STRN: variants seen among roughly 807,000 people sequenced by gnomAD.
STRN encodes the protein protein phosphatase 2 regulatory subunit B'''alpha.
In STRN, 53 loss-of-function variants were observed where a neutral mutation model predicts 96.3. That is an observed-to-expected ratio of 0.55 (90% CI 0.44 to 0.69). The LOEUF (loss-of-function observed/expected upper bound fraction) is 0.69, where lower values mean the gene tolerates loss of function less well. Ranked by LOEUF, STRN falls within the 30% of genes least tolerant of loss-of-function variation. The probability of loss-of-function intolerance (pLI) is 0.00; values close to 1 mark genes in which losing one functional copy is unlikely to be tolerated. For synonymous variants in STRN, 428 were observed against 355.9 expected (o/e 1.20, Z -2.28); for missense variants, 987 against 963.9 (o/e 1.02, Z -0.32).
At chr2:36,923,465 C>T (rs13385868) in intron 2 of STRN, among the ~76,000 whole-genome samples, 1 of 131,638 alleles carries the variant, frequency 7.6e-6, no homozygotes, top group South Asian at 2.5e-4. Flanking sequence ...AAAAAAAAAA[C>T]AACTCACTAC....
chr2:36,948,627 T>C (rs74707961), intron 1 of STRN, among the ~76,000 whole-genome samples: 3,646 of 152,324 alleles, frequency 0.024, 92 homozygotes, highest in African/African-American at 0.064. Flanking sequence ...TTGACTGCTA[T>C]ATCCCTAATT....
At chr2:36,884,501 T>G (rs935693173) in intron 8 of STRN, among the ~76,000 whole-genome samples, 1 of 152,218 alleles carries the variant, frequency 6.6e-6, no homozygotes, top group Non-Finnish European at 1.5e-5. Flanking sequence ...TGAAGTCTCA[T>G]GCCCTACCGA....
In STRN at chr2:36,843,149, T is replaced by A. The variant is rs1200480221; in HGVS notation, c.*6307A>T. 3.3e-5 allele frequency among the ~76,000 whole-genome samples: 5 copies of A among 152,158 alleles called. No homozygotes were observed. Among genetic ancestry groups the A allele is most frequent in the Non-Finnish European group, 7.3e-5 (5 of 68,028 alleles). ...TCTCATTAAAAAGATAAAAGAGGTGTTTCCAACACTACTGAAAATGTGTGT... is the reference window on the plus strand; with the variant it reads ...TCTCATTAAAAAGATAAAAGAGGTGATTCCAACACTACTGAAAATGTGTGT... On this transcript the variant is annotated 3_prime_UTR_variant, in exon 18 of 18. Coordinates refer to ENST00000263918, the MANE Select transcript of STRN (RefSeq NM_003162.4).
chr2:36,853,547 A>T (rs141427593), intron 15 of STRN, among the ~76,000 whole-genome samples: 71 of 152,338 alleles, frequency 4.7e-4, no homozygotes, highest in African/African-American at 1.5e-3. Flanking sequence ...AGTCGGCAGA[A>T]TGCAAAGAAC....
chr2:36,947,476 C>T (rs1295739532), intron 1 of STRN, among the ~76,000 whole-genome samples: 1 of 150,606 alleles, frequency 6.6e-6, no homozygotes, highest in African/African-American at 2.4e-5. Context: ...AAATCTTAAC[C>T]TACAAATTCC....
intron 1 of STRN, among the ~76,000 whole-genome samples, chr2:36,951,416 G>T (rs1371954256): frequency 6.6e-6 from 1 of 152,328 alleles, no homozygotes; most frequent in South Asian, 2.1e-4. Context: ...GCACTAAAAA[G>T]CTCTTTCCAG....
At chr2:36,935,476 T>C (rs1670678739) in intron 1 of STRN, among the ~76,000 whole-genome samples, 1 of 152,200 alleles carries the variant, frequency 6.6e-6, no homozygotes, top group Admixed American at 6.5e-5. Flanking sequence ...TAATTAGGAC[T>C]ATGACATAAT....
chr2:36,857,887 A>C lies in STRN; in HGVS notation c.1806T>G (p.Ala602=), dbSNP rs1469088161. Residue 602 remains alanine, a synonymous_variant, in exon 14 of 18, where the codon GCT becomes GCG. Coordinates refer to ENST00000263918, the MANE Select transcript of STRN (RefSeq NM_003162.4). ...TATCATTAAATACACTTAGTGCTGG[A>C]GCAACCTCAGTTGTATTCCATAAAC... ...TLRLWNTTEV[A]PALSVFNDTK... is the part of the protein sequence containing the mutation. 6.2e-7 allele frequency: 1 copy of C among 1,614,010 alleles called. No homozygotes were observed. Among genetic ancestry groups the C allele is most frequent in the Admixed American group, 1.7e-5 (1 of 60,004 alleles).
intron 3 of STRN, among the ~76,000 whole-genome samples, chr2:36,913,540 T>C (rs909091485): frequency 6.6e-6 from 1 of 152,250 alleles, no homozygotes; most frequent in African/African-American, 2.4e-5. Context: ...ACTAGGTTTG[T>C]GCTACTGCGC....
chr2:36,899,679 C>A, intron 5 of STRN, 21 bp from the exon 6 acceptor site: 2 of 1,567,216 alleles, frequency 1.3e-6, no homozygotes, highest in Non-Finnish European at 1.7e-6. Context: ...ACATGTATAT[C>A]CTGCTTAGTT....
chr2:36,863,854 A>T (rs1163093055), intron 12 of STRN, among the ~76,000 whole-genome samples: 1 of 152,112 alleles, frequency 6.6e-6, no homozygotes, highest in East Asian at 1.9e-4. Context: ...TGTAATTCTC[A>T]GTGTAGAGAT....
chr2:36,886,818 C>T lies in STRN; in HGVS notation c.940G>A (p.Asp314Asn), dbSNP rs780536982. The T allele has an allele frequency of 5.6e-6, 9 of 1,611,790 alleles. No homozygotes were observed. The highest frequency in any genetic ancestry group is 7.6e-6 in the Non-Finnish European group (9 of 1,178,928). ...AGDGTDWEKE[D>N]QCLMPEAWNV... ...CAGGCTTCAGGCATGAGACACTGGT[C>T]TTCCTTTTCTAAACAGAGTGAAACA... The change falls in exon 8 of 18, where the codon GAC becomes AAC. Residue 314 changes from aspartate (D) to asparagine (N), a missense_variant. Coordinates refer to ENST00000263918, the MANE Select transcript of STRN (RefSeq NM_003162.4).
chr2:36,965,683 T>C (rs1204623940), intron 1 of STRN, among the ~76,000 whole-genome samples: 2 of 152,030 alleles, frequency 1.3e-5, no homozygotes, highest in Admixed American at 1.3e-4. Context: ...GACATTTACA[T>C]ATATAAAAAA....
intron 7 of STRN, among the ~76,000 whole-genome samples, chr2:36,888,339 T>C (rs1426726036): frequency 6.6e-6 from 1 of 152,164 alleles, no homozygotes; most frequent in Non-Finnish European, 1.5e-5. Flanking sequence ...CGTGTCACCC[T>C]TCTTGCTCAA....
chr2:36,941,956 T>A (rs1670856220), intron 1 of STRN, among the ~76,000 whole-genome samples: 1 of 152,194 alleles, frequency 6.6e-6, no homozygotes, highest in African/African-American at 2.4e-5. Context: ...GGCCGGCTAT[T>A]CGAAATACAT....
At chr2:36,964,468 G>GT (rs1665107996) in intron 1 of STRN, among the ~76,000 whole-genome samples, 1 of 152,110 alleles carries the variant, frequency 6.6e-6, no homozygotes, top group Non-Finnish European at 1.5e-5. Context: ...AGATCAATCT[G>GT]TAAGTATTCA....
chr2:36,938,422 T>C (rs1421338936), intron 1 of STRN, among the ~76,000 whole-genome samples: 3 of 149,820 alleles, frequency 2.0e-5, no homozygotes, highest in African/African-American at 7.4e-5. Flanking sequence ...CAAGATTCTG[T>C]CTCAATTAAA....
At chr2:36,958,033 C>A (rs1664939699) in intron 1 of STRN, among the ~76,000 whole-genome samples, 1 of 151,478 alleles carries the variant, frequency 6.6e-6, no homozygotes, top group African/African-American at 2.4e-5. Flanking sequence ...GATTCTCCTG[C>A]CTCAGCCTCC....
chr2:36,932,262 C>A (rs1419681008), intron 1 of STRN, among the ~76,000 whole-genome samples: 1 of 152,052 alleles, frequency 6.6e-6, no homozygotes, highest in East Asian at 1.9e-4. Flanking sequence ...TCAAGCAATT[C>A]TCCTATGTCA....
Sources: allele counts gnomAD v4.1 joint callset (sites outside exome capture counted in the v4.1 genomes callset), GRCh38; gene constraint gnomAD v4.1.1; transcripts MANE v1.5; gene names NCBI Gene and HGNC (gene_info 2026-07-23, HGNC 2026-07-21).